The following FXYD6 variants were observed in gnomAD, a reference collection of about 807,000 sequenced individuals.
The protein encoded by FXYD6 is FXYD domain containing ion transport regulator 6.
In FXYD6, 7 loss-of-function variants were observed where a neutral mutation model predicts 16.7. That is an observed-to-expected ratio of 0.42 (90% CI 0.24 to 0.79). FXYD6 has a LOEUF of 0.79. FXYD6 is among the 30% of genes least tolerant of loss of function. FXYD6 has a pLI of 0.28. For synonymous variants in FXYD6, 49 were observed against 43.0 expected (o/e 1.14, Z -0.54); for missense variants, 111 against 116.2 (o/e 0.95, Z 0.21).
At chr11:117,841,626 A>G in intron 4 of FXYD6, 165 bp downstream of exon 4, 3 of 687,004 alleles carry the variant, frequency 4.4e-6, no homozygotes, top group Non-Finnish European at 7.5e-6. Context: ...TTTACTGAGC[A>G]CTTACTATGT....
chr11:117,865,767 A>C (rs988929223), intron 1 of FXYD6, among the ~76,000 whole-genome samples: 1 of 152,158 alleles, frequency 6.6e-6, no homozygotes, highest in Non-Finnish European at 1.5e-5. Context: ...CTCTACTAAA[A>C]TACAAAAAAA....
At chr11:117,868,467 A>T (rs1374168229) in intron 1 of FXYD6, among the ~76,000 whole-genome samples, 1 of 152,140 alleles carries the variant, frequency 6.6e-6, no homozygotes, top group Non-Finnish European at 1.5e-5. Context: ...ACAGGGCCAC[A>T]TCCTACAATA....
intron 1 of FXYD6, among the ~76,000 whole-genome samples, chr11:117,853,291 G>A (rs941664954): frequency 1.3e-5 from 2 of 152,116 alleles, no homozygotes; most frequent in Admixed American, 1.3e-4. Flanking sequence ...ATGGAGGCTG[G>A]GGGCAGCAGA....
At chr11:117,841,961 C>T (rs754725904) in intron 3 of FXYD6, 29 bp downstream of exon 3, 58 of 1,613,978 alleles carry the variant, frequency 3.6e-5, no homozygotes, top group Non-Finnish European at 4.3e-5. Flanking sequence ...TTCCCCCTGA[C>T]CCCTGCACCC....
At chr11:117,858,770 TTCC>T (rs2056832247) in intron 1 of FXYD6, among the ~76,000 whole-genome samples, 1 of 133,774 alleles carries the variant, frequency 7.5e-6, no homozygotes. Context: ...CCTTCCTTCC[TTCC>T]TTCCTTCTTT....
intron 1 of FXYD6, among the ~76,000 whole-genome samples, chr11:117,849,741 C>T (rs547974404): frequency 4.4e-4 from 67 of 152,100 alleles, no homozygotes; most frequent in African/African-American, 1.6e-3. Context: ...AAGCTGAAGG[C>T]CGTGGTAGCT....
chr11:117,869,330 G>GCAC (rs1391114236), intron 1 of FXYD6: 2 of 152,204 alleles, frequency 1.3e-5, no homozygotes, highest in Non-Finnish European at 2.9e-5. Context: ...GCAGGACAGG[G>GCAC]CACCTCCGCC....
intron 7 of FXYD6, 188 bp downstream of exon 7, chr11:117,839,593 G>T: frequency 1.6e-6 from 1 of 612,804 alleles, no homozygotes; most frequent in Non-Finnish European, 2.8e-6. Context: ...GGGACACTTC[G>T]GGTGTTTCTA....
intron 1 of FXYD6, among the ~76,000 whole-genome samples, chr11:117,863,926 C>T (rs2056961223): frequency 6.6e-6 from 1 of 152,016 alleles, no homozygotes; most frequent in African/African-American, 2.4e-5. Context: ...GCAATAGAAA[C>T]ATTTCTCAAA....
chr11:117,854,619 G>A (rs10790215), intron 1 of FXYD6, among the ~76,000 whole-genome samples: 33,839 of 152,198 alleles, frequency 0.22, 4,595 homozygotes, highest in Admixed American at 0.36. Flanking sequence ...CAAATATGAC[G>A]AGAACTTCCC....
chr11:117,840,262 C>A (rs1417202752), intron 6 of FXYD6, 57 bp downstream of exon 6: 2 of 1,610,136 alleles, frequency 1.2e-6, no homozygotes, highest in South Asian at 1.1e-5. Context: ...TCCTGAGCCA[C>A]AGAGGGGTCT....
intron 1 of FXYD6, among the ~76,000 whole-genome samples, chr11:117,860,789 C>T (rs2134186077): frequency 6.6e-6 from 1 of 152,320 alleles, no homozygotes; most frequent in Admixed American, 6.5e-5. Context: ...GTAAGGTGCT[C>T]ATGCCATACC....
chr11:117,876,658 C>G lies in FXYD6; in HGVS notation c.-72G>C, dbSNP rs2134227052. 6.7e-6 allele frequency: 1 copy of G among 148,250 alleles called. No homozygotes were observed. Among genetic ancestry groups the G allele is most frequent in the South Asian group, 2.3e-4 (1 of 4,422 alleles). The allele number at this position is 148,250 out of a possible 1,614,324, so 9.2% of individuals were successfully genotyped here. On this transcript the variant is annotated 5_prime_UTR_variant, in exon 1 of 8. Transcript: ENST00000526014. ...CGAGTCCCGAGGAGCCTGGGAGTGGCGGGGCTGGGGGCAGGGCGGTGGGTG... is the reference window on the plus strand; with the variant it reads ...CGAGTCCCGAGGAGCCTGGGAGTGGGGGGGCTGGGGGCAGGGCGGTGGGTG...
chr11:117,866,551 C>T (rs1285857359), intron 1 of FXYD6, among the ~76,000 whole-genome samples: 1 of 152,160 alleles, frequency 6.6e-6, no homozygotes, highest in Non-Finnish European at 1.5e-5. Flanking sequence ...AAAGCTGGGA[C>T]CCTGGGGCCT....
chr11:117,866,368 T>G (rs2057014401), intron 1 of FXYD6, among the ~76,000 whole-genome samples: 1 of 152,182 alleles, frequency 6.6e-6, no homozygotes, highest in African/African-American at 2.4e-5. Context: ...AAAAACATGT[T>G]GACCCTAACT....
At chr11:117,838,309 C>T (rs2056246928) in intron 7 of FXYD6, 32 bp from the exon 8 acceptor site, 2 of 702,508 alleles carry the variant, frequency 2.8e-6, no homozygotes, top group Admixed American at 2.0e-5. Flanking sequence ...ATTAAAAACA[C>T]TTCGGCTGCC....
rs534152737 is a variant in FXYD6, at chr11:117,841,137, G to A, written c.209+11C>T. On this transcript the variant is annotated intron_variant, in intron 5 of 7. Coordinates refer to ENST00000526014, the MANE Select transcript of FXYD6 (RefSeq NM_022003.4). ...ATCACCCCCCCAAGGCCACTGCCAC[G>A]GCATCCTTACCGGGGCTTCTGATTG... 2.0e-5 allele frequency: 33 copies of A among 1,613,846 alleles called. No individual in the cohort carries two copies. The highest frequency in any genetic ancestry group is 3.3e-5 in the Admixed American group (2 of 59,968).
chr11:117,861,288 A>G lies in FXYD6; in HGVS notation c.-6+15304T>C, dbSNP rs112626974. On this transcript the variant is annotated intron_variant, in intron 1 of 7. Transcript: ENST00000526014. The stretch of plus-strand genomic sequence containing the variant: ...CCCTGTAGCTAAAAGACATGGTAGG[A>G]AAGACCTCAGCATCCTGCCGGATGA... Among the ~76,000 whole-genome samples the G allele has an allele frequency of 9.8e-3, 1,500 of 152,306 alleles. 11 individuals are homozygous for G. Among genetic ancestry groups the G allele is most frequent in the Middle Eastern group, 0.017 (5 of 294 alleles).
chr11:117,865,607 G>C (rs1477005080), intron 1 of FXYD6, among the ~76,000 whole-genome samples: 1 of 152,136 alleles, frequency 6.6e-6, no homozygotes, highest in African/African-American at 2.4e-5. Flanking sequence ...AGGCTGAGGA[G>C]GAACATAAGA....
Sources: gnomAD v4.1 joint callset for allele counts (sites outside exome capture counted in the v4.1 genomes callset) on GRCh38, gnomAD v4.1.1 for gene constraint, MANE v1.5 for transcripts, NCBI Gene and HGNC (gene_info 2026-07-23, HGNC 2026-07-21) for gene names.